ATXN1: variants seen among roughly 807,000 people sequenced by gnomAD.
ATXN1 encodes the protein ataxin 1, also known as ataxin-1.
A neutral mutation model predicts 56.4 loss-of-function variants in ATXN1; 8 were observed. The ratio of observed to expected loss-of-function variants is 0.14; its 90% CI spans 0.08 to 0.26. The LOEUF is 0.26. Ranked by LOEUF, ATXN1 falls within the 10% of genes least tolerant of loss-of-function variation. The probability of loss-of-function intolerance (pLI) is 1.00; values close to 1 mark genes in which losing one functional copy is unlikely to be tolerated. For synonymous variants in ATXN1, 514 were observed against 494.6 expected, an observed-to-expected ratio of 1.04 and a Z score of -0.52; for missense variants, 987 against 1,106.5, an observed-to-expected ratio of 0.89 and a Z score of 1.53.
intron 5 of ATXN1, among the ~76,000 whole-genome samples, chr6:16,509,434 C>T (rs1451431445): frequency 1.3e-5 from 2 of 152,156 alleles, no homozygotes; most frequent in East Asian, 1.9e-4. Context: ...TTGGAGGTGA[C>T]ATTTGTGCAC....
chr6:16,566,658 C>T (rs1480213644), intron 4 of ATXN1, among the ~76,000 whole-genome samples: 2 of 151,990 alleles, frequency 1.3e-5, no homozygotes, highest in Non-Finnish European at 2.9e-5. Flanking sequence ...TCAAGACCAT[C>T]CTGGCGAACA....
At chr6:16,742,610 C>G (rs1277520627) in intron 2 of ATXN1, among the ~76,000 whole-genome samples, 1 of 152,190 alleles carries the variant, frequency 6.6e-6, no homozygotes, top group East Asian at 1.9e-4. Flanking sequence ...GTCGCTCACA[C>G]CATCAACCAC....
chr6:16,636,823 G>C (rs1291488625), intron 3 of ATXN1, among the ~76,000 whole-genome samples: 1 of 152,020 alleles, frequency 6.6e-6, no homozygotes, highest in Non-Finnish European at 1.5e-5. Flanking sequence ...ACCTAACGAC[G>C]GCCTGGGAAT....
At chr6:16,324,454 GA>G (rs5874552) in intron 7 of ATXN1, among the ~76,000 whole-genome samples, 41,290 of 144,534 alleles carry the variant, frequency 0.29, 6,414 homozygotes, top group East Asian at 0.47. Flanking sequence ...TCTCAAAAAT[GA>G]AAAAAAAAAA....
intron 6 of ATXN1, among the ~76,000 whole-genome samples, chr6:16,375,952 T>G (rs1219650572): frequency 2.6e-5 from 4 of 152,236 alleles, no homozygotes; most frequent in Non-Finnish European, 5.9e-5. Flanking sequence ...GGCTTTACTT[T>G]AGAAAGTTGT....
At chr6:16,483,596 C>T (rs1760482796) in intron 6 of ATXN1, among the ~76,000 whole-genome samples, 1 of 152,206 alleles carries the variant, frequency 6.6e-6, no homozygotes, top group Non-Finnish European at 1.5e-5. Context: ...AAAGAGTTCA[C>T]TAGAATTTGG....
chr6:16,331,449 C>A (rs532398430), intron 6 of ATXN1, among the ~76,000 whole-genome samples: 5 of 152,198 alleles, frequency 3.3e-5, no homozygotes, highest in African/African-American at 4.8e-5. Context: ...TCCATACCAA[C>A]GAGCAAGGAA....
intron 4 of ATXN1, among the ~76,000 whole-genome samples, chr6:16,523,814 A>G (rs1485941391): frequency 6.6e-6 from 1 of 152,188 alleles, no homozygotes; most frequent in Non-Finnish European, 1.5e-5. Context: ...AGATGATGTG[A>G]ATGTTGGACA....
intron 3 of ATXN1, among the ~76,000 whole-genome samples, chr6:16,597,815 G>A (rs1762842110): frequency 6.6e-6 from 1 of 152,136 alleles, no homozygotes; most frequent in Non-Finnish European, 1.5e-5. Context: ...ATGGCTCCCA[G>A]CATAGGCTAA....
chr6:16,696,680 T>C (rs567744279), intron 2 of ATXN1, among the ~76,000 whole-genome samples: 18 of 152,340 alleles, frequency 1.2e-4, no homozygotes, highest in African/African-American at 4.3e-4. Context: ...TCTTAAGAAT[T>C]ACGGTTTTGC....
intron 2 of ATXN1, among the ~76,000 whole-genome samples, chr6:16,732,923 T>A (rs973241117): frequency 6.6e-6 from 1 of 152,216 alleles, no homozygotes; most frequent in Admixed American, 6.5e-5. Context: ...GCCACCTCCA[T>A]CTACAGAATT....
Position 16,761,445 on chromosome 6 carries a change from CCACTGTA to C in ATXN1, c.-884_-878del. The stretch of plus-strand genomic sequence containing the variant: ...GTGAAACAGGTCCTGTACGGCTCCG[CCACTGTA>C]GTAGAAATGATGTCTGCGGTATACT... On this transcript the variant is annotated 5_prime_UTR_variant, in exon 1 of 8. Transcript: ENST00000436367. The C allele has an allele frequency of 2.2e-6, 1 of 456,938 alleles. No individual in the cohort carries two copies. The allele number at this position is 456,938 out of a possible 1,614,324, so 28.3% of individuals were successfully genotyped here.
At chr6:16,748,418 G>A (rs1760603500) in intron 2 of ATXN1, among the ~76,000 whole-genome samples, 1 of 152,152 alleles carries the variant, frequency 6.6e-6, no homozygotes, top group Non-Finnish European at 1.5e-5. Context: ...TAAGGACAGG[G>A]CTTAAGGAAC....
intron 3 of ATXN1, among the ~76,000 whole-genome samples, chr6:16,625,353 A>T (rs1487442985): frequency 6.6e-6 from 1 of 152,180 alleles, no homozygotes. Context: ...TTTTTCCATC[A>T]TTAAGAATCT....
chr6:16,411,382 G>A lies in ATXN1; in HGVS notation c.-161+74590C>T, dbSNP rs1305200333. ...TTGAATTAAAGTCAGTGCAAGATCT[G>A]TAGTACATTAGTAAGTATGCAAAAA... On this transcript the variant is annotated intron_variant, in intron 6 of 7. Transcript: ENST00000436367. Among the ~76,000 whole-genome samples, 4 of 152,056 alleles carry A rather than the reference G, an allele frequency of 2.6e-5. No individual in the cohort carries two copies. The South Asian group carries it at 6.2e-4, about 24-fold the overall frequency.
chr6:16,476,236 C>G (rs1760324263), intron 6 of ATXN1, among the ~76,000 whole-genome samples: 1 of 152,148 alleles, frequency 6.6e-6, no homozygotes. Flanking sequence ...TCTTTCTACT[C>G]TAGTATGCTT....
At chr6:16,694,813 G>T (rs948918464) in intron 2 of ATXN1, among the ~76,000 whole-genome samples, 1 of 152,204 alleles carries the variant, frequency 6.6e-6, no homozygotes, top group African/African-American at 2.4e-5. Flanking sequence ...CAATCAGCTT[G>T]TTCCATTTTT....
At chr6:16,606,916 T>G (rs1358373456) in intron 3 of ATXN1, among the ~76,000 whole-genome samples, 2 of 116,430 alleles carry the variant, frequency 1.7e-5, no homozygotes, top group East Asian at 5.7e-4. Context: ...GACGGACTTT[T>G]GCTCTTATTG....
chr6:16,567,966 T>G (rs1263306128), intron 4 of ATXN1, among the ~76,000 whole-genome samples: 1 of 152,162 alleles, frequency 6.6e-6, no homozygotes, highest in Non-Finnish European at 1.5e-5. Flanking sequence ...GATTTTCCCC[T>G]TATATGTGTA....
Sources: allele counts gnomAD v4.1 joint callset (sites outside exome capture counted in the v4.1 genomes callset), GRCh38; gene constraint gnomAD v4.1.1; transcripts MANE v1.5; gene names NCBI Gene and HGNC (gene_info 2026-07-23, HGNC 2026-07-21).